ERBB4: variants seen among roughly 807,000 people sequenced by gnomAD.
ERBB4 encodes the protein receptor tyrosine-protein kinase erbB-4.
Under a neutral mutation model 158.0 loss-of-function variants are expected in ERBB4, and 42 were observed. The ratio of observed to expected loss-of-function variants is 0.27; its 90% confidence interval spans 0.21 to 0.34. ERBB4 has a LOEUF of 0.34. Among genes scored for constraint, ERBB4 ranks in the 10% least tolerant of loss-of-function variants. ERBB4 has a pLI of 1.00. For missense variants in ERBB4, 1,333 were observed against 1,624.1 expected (o/e 0.82, Z 3.08); for synonymous variants, 583 against 558.7 (o/e 1.04, Z -0.61).
intron 13 of ERBB4, among the ~76,000 whole-genome samples, chr2:211,678,318 C>CA (rs60505220): frequency 0.012 from 1,692 of 144,304 alleles, 15 homozygotes; most frequent in African/African-American, 0.023. Flanking sequence ...AACAAACAAA[C>CA]AAAAAAAAAA....
chr2:212,521,010 T>A (rs1342047156), intron 1 of ERBB4, among the ~76,000 whole-genome samples: 1 of 151,960 alleles, frequency 6.6e-6, no homozygotes, highest in Admixed American at 6.6e-5. Context: ...ATGTGACAAA[T>A]TCTGTCAGTG....
intron 25 of ERBB4, among the ~76,000 whole-genome samples, chr2:211,400,021 T>C (rs1039238781): frequency 6.6e-6 from 1 of 152,160 alleles, no homozygotes; most frequent in Non-Finnish European, 1.5e-5. Flanking sequence ...GGCTAAATGC[T>C]ACAGAAAATC....
At chr2:211,517,376 C>G (rs1211673758) in intron 20 of ERBB4, among the ~76,000 whole-genome samples, 1 of 152,016 alleles carries the variant, frequency 6.6e-6, no homozygotes, top group African/African-American at 2.4e-5. Flanking sequence ...CACTTTTGCA[C>G]TTCTATGAAT....
chr2:212,516,295 ATATAT>A (rs965379484), intron 1 of ERBB4, among the ~76,000 whole-genome samples: 2 of 152,044 alleles, frequency 1.3e-5, no homozygotes, highest in Non-Finnish European at 2.9e-5. Flanking sequence ...TATTTCTGAA[ATATAT>A]TATTTTAATA....
intron 1 of ERBB4, among the ~76,000 whole-genome samples, chr2:212,273,626 CA>C (rs1163683249): frequency 2.0e-4 from 30 of 151,868 alleles, no homozygotes; most frequent in Non-Finnish European, 5.9e-5. Context: ...CATCCCCACA[CA>C]AAAAAGTAAT....
intron 1 of ERBB4, among the ~76,000 whole-genome samples, chr2:212,381,313 C>G (rs1261888649): frequency 6.6e-6 from 1 of 151,282 alleles, no homozygotes; most frequent in African/African-American, 2.4e-5. Flanking sequence ...GTAACCACTT[C>G]TACAGAGGTA....
chr2:212,479,314 T>C (rs938552184), intron 1 of ERBB4, among the ~76,000 whole-genome samples: 3 of 151,128 alleles, frequency 2.0e-5, no homozygotes, highest in Admixed American at 1.3e-4. Flanking sequence ...TTCTCTCTCT[T>C]TCTCTTTCTC....
At chr2:211,488,517 A>G (rs1248567920) in intron 20 of ERBB4, among the ~76,000 whole-genome samples, 1 of 152,130 alleles carries the variant, frequency 6.6e-6, no homozygotes, top group Non-Finnish European at 1.5e-5. Flanking sequence ...TATTTAAGAA[A>G]AGTATAATGT....
At chr2:212,366,708 A>C (rs1283320513) in intron 1 of ERBB4, among the ~76,000 whole-genome samples, 1 of 152,068 alleles carries the variant, frequency 6.6e-6, no homozygotes, top group East Asian at 1.9e-4. Flanking sequence ...GAATAATATT[A>C]TCAAGAATAG....
At chr2:211,969,390 T>C (rs1474792493) in intron 2 of ERBB4, among the ~76,000 whole-genome samples, 2 of 152,082 alleles carry the variant, frequency 1.3e-5, no homozygotes, top group Non-Finnish European at 2.9e-5. Context: ...ACATAATCTA[T>C]GGTTTATCAT....
At chr2:212,270,763 GGA>G (rs2085311415) in intron 1 of ERBB4, among the ~76,000 whole-genome samples, 1 of 151,674 alleles carries the variant, frequency 6.6e-6, no homozygotes, top group African/African-American at 2.4e-5. Flanking sequence ...GTCTGTTCAG[GGA>G]GAGAGAAAGC....
rs542798031 is a variant in ERBB4, at chr2:211,534,936, C to T, written c.2487+26967G>A. On this transcript the variant is annotated intron_variant, in intron 20 of 27. Transcript: ENST00000342788. The stretch of plus-strand genomic sequence containing the variant: ...AACTGCCCAGTTCTCACTCACATTT[C>T]ATTTAACAGGCTAACCTTGGTCTTT... Among the ~76,000 whole-genome samples, 38 of 152,196 alleles carry T rather than the reference C, an allele frequency of 2.5e-4. 1 individual carries two copies. In the South Asian group the frequency reaches 6.6e-3, roughly 27 times the overall value.
At chr2:211,832,775 G>T (rs2077252065) in intron 3 of ERBB4, among the ~76,000 whole-genome samples, 1 of 150,748 alleles carries the variant, frequency 6.6e-6, no homozygotes, top group Non-Finnish European at 1.5e-5. Context: ...GATAGCTGAA[G>T]AACACATTCC....
At chr2:211,643,645 C>A (rs1389933235) in intron 16 of ERBB4, among the ~76,000 whole-genome samples, 1 of 151,944 alleles carries the variant, frequency 6.6e-6, no homozygotes, top group Non-Finnish European at 1.5e-5. Flanking sequence ...TTCTTGTTAA[C>A]ACTTACTATC....
intron 3 of ERBB4, among the ~76,000 whole-genome samples, chr2:211,848,086 T>C (rs575152724): frequency 6.6e-6 from 1 of 152,228 alleles, no homozygotes; most frequent in East Asian, 1.9e-4. Context: ...CCAAATTCAT[T>C]CTGTATCCTC....
Position 211,488,525 on chromosome 2 carries a change from T to C in ERBB4, c.2488-57425A>G, listed in dbSNP as rs73069173. ...AACATTTTATTTAAGAAAAGTATAA[T>C]GTGAAGCCTCTCATATGCCTTAGAA... On this transcript the variant is annotated intron_variant, in intron 20 of 27. Coordinates refer to ENST00000342788, the MANE Select transcript of ERBB4 (RefSeq NM_005235.3). Among the ~76,000 whole-genome samples the C allele has an allele frequency of 1.2e-3, 186 of 152,234 alleles. 1 individual carries two copies. The highest frequency in any genetic ancestry group is 4.2e-3 in the African/African-American group (173 of 41,554).
At chr2:211,541,312 T>C (rs949836708) in intron 20 of ERBB4, among the ~76,000 whole-genome samples, 3 of 152,000 alleles carry the variant, frequency 2.0e-5, no homozygotes, top group Non-Finnish European at 4.4e-5. Context: ...GAAATTGAGC[T>C]ACTTTTTGTG....
In ERBB4 at chr2:211,947,437, G is replaced by C. The variant is rs2080732485; in HGVS notation, c.414C>G (p.Asn138Lys). ...TTTGGATATATTCCTTACCTGTCAA[G>C]TTCTTTAATCCAAGTTCTTGAAGTC... ...NFGLQELGLKNLTEILNGGVY... is the reference protein window; with the variant it reads ...NFGLQELGLKKLTEILNGGVY... The change falls in exon 3 of 28, where the codon AAC becomes AAG. Residue 138 changes from asparagine (N) to lysine (K), a missense_variant. Physicochemically the swap from Asn to Lys is moderately conservative, Grantham distance 94. This residue lies in a region of ERBB4 where 438 missense variants were observed against 586.9 expected (regional missense o/e 0.75). Transcript: ENST00000342788. The C allele has an allele frequency of 6.2e-7, 1 of 1,613,174 alleles. No homozygotes were observed. The highest frequency in any genetic ancestry group is 8.5e-7 in the Non-Finnish European group (1 of 1,179,326).
chr2:212,391,133 C>T (rs1162853271), intron 1 of ERBB4, among the ~76,000 whole-genome samples: 1 of 151,708 alleles, frequency 6.6e-6, no homozygotes, highest in African/African-American at 2.4e-5. Flanking sequence ...TCAAATTCAT[C>T]AAGATCTTAT....
Sources: gnomAD v4.1 joint callset for allele counts (sites outside exome capture counted in the v4.1 genomes callset) on GRCh38, gnomAD v4.1.1 for gene constraint, gnomAD v4.1.1 regional missense constraint, MANE v1.5 for transcripts, NCBI Gene and HGNC (gene_info 2026-07-23, HGNC 2026-07-21) for gene names.